ASCC3: variants seen among roughly 807,000 people sequenced by gnomAD.
ASCC3 encodes the protein activating signal cointegrator 1 complex subunit 3, also known as ASC-1 complex subunit P200.
ASCC3 carries 158 observed loss-of-function variants against 256.3 expected under a neutral mutation model. The observed-to-expected ratio is 0.62, with a 90% CI of 0.54 to 0.70. ASCC3 has a LOEUF of 0.70. Among genes scored for constraint, ASCC3 ranks in the 30% least tolerant of loss-of-function variants. The probability of loss-of-function intolerance (pLI) is 0.00; values close to 1 mark genes in which losing one functional copy is unlikely to be tolerated. For synonymous variants in ASCC3, 948 were observed against 883.4 expected, an observed-to-expected ratio of 1.07 and a Z score of -1.30; for missense variants, 2,259 against 2,626.0, an observed-to-expected ratio of 0.86 and a Z score of 3.05.
At chr6:100,824,942 A>G (rs1012268200) in intron 4 of ASCC3, among the ~76,000 whole-genome samples, 20 of 152,310 alleles carry the variant, frequency 1.3e-4, no homozygotes, top group African/African-American at 4.6e-4. Flanking sequence ...AATAAAAAAT[A>G]CAATAAAGGC....
At chr6:100,780,153 A>G (rs1042178561) in intron 8 of ASCC3, among the ~76,000 whole-genome samples, 1 of 152,186 alleles carries the variant, frequency 6.6e-6, no homozygotes, top group Non-Finnish European at 1.5e-5. Flanking sequence ...CAATGTATCT[A>G]AAATATCATC....
chr6:100,817,191 C>T (rs540668795), intron 4 of ASCC3, among the ~76,000 whole-genome samples: 3 of 151,900 alleles, frequency 2.0e-5, no homozygotes, highest in African/African-American at 7.2e-5. Flanking sequence ...TAACCAAAAA[C>T]ATTGGAAAAC....
intron 29 of ASCC3, among the ~76,000 whole-genome samples, chr6:100,625,538 T>C (rs1338101451): frequency 6.6e-6 from 1 of 151,736 alleles, no homozygotes; most frequent in Non-Finnish European, 1.5e-5. Context: ...ACCTAGAGAG[T>C]ATATTGCCTA....
At chr6:100,821,523 TA>T (rs143054861) in intron 4 of ASCC3, among the ~76,000 whole-genome samples, 4,131 of 149,302 alleles carry the variant, frequency 0.028, 176 homozygotes, top group East Asian at 0.2. Context: ...TATTCAGCTA[TA>T]AAAAAAAAAT....
intron 13 of ASCC3, among the ~76,000 whole-genome samples, chr6:100,707,799 T>C (rs1778674992): frequency 6.6e-6 from 1 of 152,130 alleles, no homozygotes; most frequent in African/African-American, 2.4e-5. Context: ...AAAAGAAGGA[T>C]AGCTCCTTTG....
Position 100,800,467 on chromosome 6 carries a change from G to C in ASCC3, c.960C>G (p.Pro320=). The C allele has an allele frequency of 6.2e-7, 1 of 1,611,602 alleles. No homozygotes were observed. Among genetic ancestry groups the C allele is most frequent in the African/African-American group, 1.3e-5 (1 of 74,858 alleles). ...GAATAGTGACTTGACAACCATAATT[G>C]GGTTTAGCATTTTCTCCTAAAATTT... ...CKKILGENAK[P]NYGCQVTIQS... is the part of the protein sequence containing the mutation. Residue 320 remains proline (P), a synonymous_variant, in exon 6 of 42, where the codon CCC becomes CCG. Transcript: ENST00000369162.
At chr6:100,728,671 A>G (rs1483796246) in intron 10 of ASCC3, among the ~76,000 whole-genome samples, 1 of 152,154 alleles carries the variant, frequency 6.6e-6, no homozygotes, top group Non-Finnish European at 1.5e-5. Context: ...ATGCTATACA[A>G]TAAAAATAAA....
intron 10 of ASCC3, among the ~76,000 whole-genome samples, chr6:100,747,755 T>C (rs1438094075): frequency 6.6e-6 from 1 of 152,078 alleles, no homozygotes; most frequent in East Asian, 1.9e-4. Flanking sequence ...ATGAATTATT[T>C]TGATTGTGAT....
intron 3 of ASCC3, chr6:100,857,692 T>C (rs1355545383): frequency 6.6e-6 from 1 of 152,062 alleles, no homozygotes; most frequent in African/African-American, 2.4e-5. Flanking sequence ...TATTCTGTCA[T>C]ACTAGTCCAT....
At chr6:100,594,486 G>GA (rs1772177132) in intron 34 of ASCC3, among the ~76,000 whole-genome samples, 1 of 152,094 alleles carries the variant, frequency 6.6e-6, no homozygotes, top group African/African-American at 2.4e-5. Context: ...CAGCTTTTGG[G>GA]AAAAGTGATT....
intron 2 of ASCC3, among the ~76,000 whole-genome samples, chr6:100,867,315 T>C (rs1773528272): frequency 6.6e-6 from 1 of 152,214 alleles, no homozygotes; most frequent in Non-Finnish European, 1.5e-5. Context: ...TTACTATAAA[T>C]GTCAAAGCAG....
chr6:100,575,656 T>C (rs1770819944), intron 36 of ASCC3, among the ~76,000 whole-genome samples: 1 of 152,110 alleles, frequency 6.6e-6, no homozygotes, highest in Non-Finnish European at 1.5e-5. Flanking sequence ...TAATATTCGA[T>C]ATATAAATAA....
In ASCC3 at chr6:100,814,588, G is replaced by A. The variant is rs535458377; in HGVS notation, c.802-8708C>T. Among the ~76,000 whole-genome samples, 8 of 152,132 alleles carry A rather than the reference G, an allele frequency of 5.3e-5. 1 individual carries two copies. The highest frequency in any genetic ancestry group is 6.8e-3 in the Middle Eastern group (2 of 294). ...ATCCAGTCCTGAGCTTTTTTTAGTT[G>A]TATGATATTTATCACTGATTGAATT... On this transcript the variant is annotated intron_variant, in intron 4 of 41. Transcript: ENST00000369162.
intron 8 of ASCC3, among the ~76,000 whole-genome samples, chr6:100,784,549 C>G (rs1462393838): frequency 6.6e-6 from 1 of 151,836 alleles, no homozygotes; most frequent in African/African-American, 2.4e-5. Context: ...CTCCATGAAT[C>G]ACGGTAGATA....
At chr6:100,687,923 A>T (rs1244361958) in intron 13 of ASCC3, among the ~76,000 whole-genome samples, 1 of 152,100 alleles carries the variant, frequency 6.6e-6, no homozygotes, top group Non-Finnish European at 1.5e-5. Flanking sequence ...GACAAAAATA[A>T]TACCACCTGA....
chr6:100,639,203 AC>A (rs1349468105), intron 24 of ASCC3, among the ~76,000 whole-genome samples: 1 of 152,210 alleles, frequency 6.6e-6, no homozygotes, highest in Non-Finnish European at 1.5e-5. Flanking sequence ...ATTACTAACA[AC>A]GAATTACTTT....
chr6:100,821,001 G>A (rs542945850), intron 4 of ASCC3, among the ~76,000 whole-genome samples: 5 of 152,258 alleles, frequency 3.3e-5, no homozygotes, highest in South Asian at 2.1e-4. Context: ...ACAGTTTGCT[G>A]TTTCCTCAAT....
intron 22 of ASCC3, among the ~76,000 whole-genome samples, chr6:100,644,642 G>A (rs1179752974): frequency 6.6e-6 from 1 of 151,918 alleles, no homozygotes; most frequent in Non-Finnish European, 1.5e-5. Flanking sequence ...ACCCAGTCTT[G>A]TTCAGCAAGC....
chr6:100,663,099 A>G (rs569507450), intron 14 of ASCC3, among the ~76,000 whole-genome samples: 68 of 152,054 alleles, frequency 4.5e-4, no homozygotes, highest in Middle Eastern at 6.8e-3. Flanking sequence ...TGCTTCCCCT[A>G]TGATATTCCT....
Sources: gnomAD v4.1 joint callset for allele counts (sites outside exome capture counted in the v4.1 genomes callset) on GRCh38, gnomAD v4.1.1 for gene constraint, MANE v1.5 for transcripts, NCBI Gene and HGNC (gene_info 2026-07-23, HGNC 2026-07-21) for gene names.